Variants in STARD13 observed in about 807,000 individuals in gnomAD.
STARD13 encodes the protein StAR related lipid transfer domain containing 13.
Under a neutral mutation model 106.4 loss-of-function variants are expected in STARD13, and 62 were observed. That is an observed-to-expected ratio of 0.58 (90% CI 0.48 to 0.72). The LOEUF is 0.72. Among genes scored for constraint, STARD13 ranks in the 30% least tolerant of loss-of-function variants. STARD13 has a pLI of 0.00. For missense variants in STARD13, 1,387 were observed against 1,424.0 expected (o/e 0.97, Z 0.42); for synonymous variants, 565 against 553.0 (o/e 1.02, Z -0.31).
the STARD13 span, among the ~76,000 whole-genome samples, chr13:33,462,541 C>T: frequency 6.6e-6 from 1 of 152,174 alleles, no homozygotes; most frequent in Non-Finnish European, 1.5e-5. Context: ...GGAAGCCAGT[C>T]CAAGTCCCAA....
the STARD13 span, among the ~76,000 whole-genome samples, chr13:33,635,510 A>G: frequency 6.6e-6 from 1 of 151,882 alleles, no homozygotes; most frequent in East Asian, 1.9e-4. Context: ...AATAGAAAAA[A>G]TTAGCCGGGT....
At chr13:33,168,344 C>T (rs1470133055) in intron 1 of STARD13, among the ~76,000 whole-genome samples, 2 of 152,032 alleles carry the variant, frequency 1.3e-5, no homozygotes, top group Non-Finnish European at 2.9e-5. Context: ...TTGATATGTC[C>T]CTTGGGTGAC....
chr13:33,615,839 A>G, the STARD13 span, among the ~76,000 whole-genome samples: 2 of 152,188 alleles, frequency 1.3e-5, no homozygotes, highest in Non-Finnish European at 2.9e-5. Flanking sequence ...TATGTGGGAA[A>G]ATAAATTACT....
chr13:33,281,404 ATATGTG>A (rs1275836957), intron 1 of STARD13: 17 of 140,770 alleles, frequency 1.2e-4, no homozygotes, highest in Admixed American at 4.5e-4. Context: ...GGTTTTCCAA[ATATGTG>A]TGTGTGTGTG....
At chr13:33,475,874 T>G in the STARD13 span, among the ~76,000 whole-genome samples, 1 of 152,000 alleles carries the variant, frequency 6.6e-6, no homozygotes, top group African/African-American at 2.4e-5. Context: ...GGAAAATCAC[T>G]TGAACCCAGG....
chr13:33,542,870 G>A, the STARD13 span, among the ~76,000 whole-genome samples: 5 of 152,330 alleles, frequency 3.3e-5, no homozygotes, highest in African/African-American at 9.6e-5. Flanking sequence ...GAGGTGGCAC[G>A]CGCCCTTCTC....
intron 1 of STARD13, among the ~76,000 whole-genome samples, chr13:33,168,095 G>T (rs1304737961): frequency 1.3e-5 from 2 of 150,950 alleles, no homozygotes; most frequent in Admixed American, 1.3e-4. Flanking sequence ...ACTACAACTA[G>T]ATTGCCTATG....
intron 4 of STARD13, among the ~76,000 whole-genome samples, chr13:33,140,008 G>A (rs1355118168): frequency 6.6e-6 from 1 of 152,204 alleles, no homozygotes; most frequent in Non-Finnish European, 1.5e-5. Context: ...GCATTCTGAG[G>A]CCTATAGCTA....
chr13:33,519,293 TTCTCTCTCTCTTTCTTTC>T, the STARD13 span, among the ~76,000 whole-genome samples: 1 of 119,560 alleles, frequency 8.4e-6, no homozygotes, highest in African/African-American at 4.0e-5. Context: ...CTTTCTTTCT[TTCTCTCTCTCTTTCTTTC>T]TCTCTCTCTC....
downstream of STARD13, among the ~76,000 whole-genome samples, chr13:33,345,036 A>T (rs1337662360): frequency 6.6e-6 from 1 of 152,236 alleles, no homozygotes; most frequent in African/African-American, 2.4e-5. Context: ...AATTGTCACC[A>T]GCAGTGGTTG....
At chr13:33,446,880 T>C in the STARD13 span, among the ~76,000 whole-genome samples, 2 of 152,202 alleles carry the variant, frequency 1.3e-5, no homozygotes, top group Admixed American at 1.3e-4. Context: ...GGAAAAAACA[T>C]GACTGTAGTT....
the STARD13 span, among the ~76,000 whole-genome samples, chr13:33,536,311 T>G: frequency 6.6e-6 from 1 of 152,258 alleles, no homozygotes; most frequent in Admixed American, 6.5e-5. Context: ...TGGACTGTTT[T>G]ATCATCAATA....
chr13:33,514,551 T>A, the STARD13 span, among the ~76,000 whole-genome samples: 2 of 151,956 alleles, frequency 1.3e-5, no homozygotes, highest in Non-Finnish European at 2.9e-5. Flanking sequence ...AAGACTCTGT[T>A]GAGGGCAGTG....
At chr13:33,398,828 G>C in the STARD13 span, among the ~76,000 whole-genome samples, 1 of 152,150 alleles carries the variant, frequency 6.6e-6, no homozygotes, top group Non-Finnish European at 1.5e-5. Flanking sequence ...AATGACACAA[G>C]CTCTCTATGA....
chr13:33,176,096 G>A (rs983226181), intron 1 of STARD13, among the ~76,000 whole-genome samples: 3 of 152,190 alleles, frequency 2.0e-5, no homozygotes, highest in African/African-American at 7.2e-5. Flanking sequence ...CTTGGCTGAA[G>A]CTTCTGACTC....
At chr13:33,608,135 G>T in the STARD13 span, among the ~76,000 whole-genome samples, 14 of 152,202 alleles carry the variant, frequency 9.2e-5, no homozygotes, top group Non-Finnish European at 1.8e-4. Flanking sequence ...TGGAACTCCA[G>T]GCCTCAAGTT....
intron 1 of STARD13, among the ~76,000 whole-genome samples, chr13:33,189,537 G>C (rs1311892945): frequency 2.0e-5 from 3 of 151,316 alleles, no homozygotes; most frequent in Non-Finnish European, 2.9e-5. Flanking sequence ...ACTTTCATAG[G>C]CTAGCAGGAG....
the STARD13 span, among the ~76,000 whole-genome samples, chr13:33,564,120 A>T: frequency 7.1e-5 from 10 of 141,420 alleles, 1 homozygote; most frequent in Non-Finnish European, 1.5e-4. Flanking sequence ...GAACCCGGGA[A>T]TTGCTTGAAC....
At chr13:33,386,477 T>C in the STARD13 span, among the ~76,000 whole-genome samples, 2 of 152,086 alleles carry the variant, frequency 1.3e-5, no homozygotes, top group Non-Finnish European at 2.9e-5. Context: ...GGAGGGCACA[T>C]TGCTGGGGTT....
Sources: gnomAD v4.1 joint callset for allele counts (sites outside exome capture counted in the v4.1 genomes callset) on GRCh38, gnomAD v4.1.1 for gene constraint, MANE v1.5 for transcripts, NCBI Gene and HGNC (gene_info 2026-07-23, HGNC 2026-07-21) for gene names.